Variants in MYT1L observed in about 807,000 individuals in gnomAD.
The protein encoded by MYT1L is myelin transcription factor 1 like, also known as myelin transcription factor 1-like protein.
In MYT1L, 12 loss-of-function variants were observed where a neutral mutation model predicts 126.7. The ratio of observed to expected loss-of-function variants is 0.09; its 90% CI spans 0.06 to 0.15. The LOEUF (loss-of-function observed/expected upper bound fraction) is 0.15, where lower values mean the gene tolerates loss of function less well. MYT1L is among the 10% of genes least tolerant of loss of function. The probability of loss-of-function intolerance (pLI) is 1.00; values close to 1 mark genes in which losing one functional copy is unlikely to be tolerated. For synonymous variants in MYT1L, 541 were observed against 604.2 expected, an observed-to-expected ratio of 0.90 and a Z score of 1.53; for missense variants, 979 against 1,585.2, an observed-to-expected ratio of 0.62 and a Z score of 6.49.
rs1289851085 is a variant in MYT1L, at chr2:2,059,245, G to A, written c.-303-5122C>T. 6.6e-6 allele frequency among the ~76,000 whole-genome samples: 1 copy of A among 152,130 alleles called. No individual in the cohort carries two copies. Among genetic ancestry groups the A allele is most frequent in the Non-Finnish European group, 1.5e-5 (1 of 68,046 alleles). ...ATCCCAGCTTCTTACTCTGGGTGAG[G>A]GCATCAACGGGGTCGCAACTGCTTT... On this transcript the variant is annotated intron_variant, in intron 3 of 24. Transcript: ENST00000647738. This position sits in a 1 kb window ranked among gnomAD's most constrained non-coding sequence, Gnocchi z 4.7.
chr2:2,100,025 A>G (rs2077872556), intron 3 of MYT1L, among the ~76,000 whole-genome samples: 1 of 152,120 alleles, frequency 6.6e-6, no homozygotes, highest in East Asian at 1.9e-4. Context: ...ATATTGTTTT[A>G]TATTGTCTGT....
intron 2 of MYT1L, among the ~76,000 whole-genome samples, chr2:2,280,992 CA>C (rs2095439313): frequency 6.6e-6 from 1 of 152,200 alleles, no homozygotes; most frequent in East Asian, 1.9e-4. Context: ...CAAATGTACA[CA>C]ACCGTGGTGA....
chr2:1,821,660 T>A (rs2038543677), intron 21 of MYT1L, among the ~76,000 whole-genome samples: 1 of 152,232 alleles, frequency 6.6e-6, no homozygotes, highest in Non-Finnish European at 1.5e-5. Context: ...CCTTGGCTGT[T>A]CACGCATACA....
Position 1,806,636 on chromosome 2 carries a change from C to T in MYT1L, c.3172+2440G>A, listed in dbSNP as rs552753224. The stretch of plus-strand genomic sequence containing the variant: ...TAGGAATGTCTAGTGCCCTCAATGC[C>T]GACTCAGGCCCACCGATGAAGAGAT... On this transcript the variant is annotated intron_variant, in intron 22 of 24. Coordinates refer to ENST00000647738, the MANE Select transcript of MYT1L (RefSeq NM_001303052.2). This position sits in a 1 kb window ranked among gnomAD's most constrained non-coding sequence, Gnocchi z 4.9. Among the ~76,000 whole-genome samples the T allele has an allele frequency of 1.8e-4, 28 of 152,270 alleles. No homozygotes were observed. In the East Asian group the frequency reaches 2.5e-3, roughly 14 times the overall value.
Position 2,066,568 on chromosome 2 carries a change from C to T in MYT1L, c.-303-12445G>A, listed in dbSNP as rs906725482. On this transcript the variant is annotated intron_variant, in intron 3 of 24. Transcript: ENST00000647738. ...GCTGACCTACAAACTACTGATTCTACAGCAAGACCAATTCCAGGAGAGGCT... is the reference window on the plus strand; with the variant it reads ...GCTGACCTACAAACTACTGATTCTATAGCAAGACCAATTCCAGGAGAGGCT... Among the ~76,000 whole-genome samples, 7 of 152,300 alleles carry T rather than the reference C, an allele frequency of 4.6e-5. No individual in the cohort carries two copies. The East Asian group carries it at 5.8e-4, about 13-fold the overall frequency.
At chr2:1,885,117 A>G (rs913023074) in intron 18 of MYT1L, 1 of 152,244 alleles carries the variant, frequency 6.6e-6, no homozygotes, top group African/African-American at 2.4e-5. Flanking sequence ...AGATGTGCCA[A>G]TCTTTGGCAA....
At chr2:2,102,771 T>C (rs2078258465) in intron 3 of MYT1L, among the ~76,000 whole-genome samples, 2 of 152,076 alleles carry the variant, frequency 1.3e-5, no homozygotes, top group Non-Finnish European at 2.9e-5. Flanking sequence ...CTGGATTTCC[T>C]GCATCTCGGT....
chr2:1,817,658 G>A (rs150294414), intron 21 of MYT1L, among the ~76,000 whole-genome samples: 5 of 152,158 alleles, frequency 3.3e-5, no homozygotes, highest in Non-Finnish European at 5.9e-5. Flanking sequence ...CGCGGCCCTG[G>A]GGGGTGGTGG....
At chr2:2,171,452 A>G (rs1303510988) in intron 3 of MYT1L, among the ~76,000 whole-genome samples, 1 of 152,210 alleles carries the variant, frequency 6.6e-6, no homozygotes, top group East Asian at 1.9e-4. Context: ...CCCTTATAAA[A>G]TATTTCACTA....
chr2:1,893,600 A>G (rs1409792584), intron 14 of MYT1L, among the ~76,000 whole-genome samples: 1 of 152,176 alleles, frequency 6.6e-6, no homozygotes, highest in African/African-American at 2.4e-5. Flanking sequence ...GCTACAAGGA[A>G]AGGGAGACCT....
At chr2:2,110,408 A>G (rs1036903249) in intron 3 of MYT1L, among the ~76,000 whole-genome samples, 1 of 151,962 alleles carries the variant, frequency 6.6e-6, no homozygotes, top group African/African-American at 2.4e-5. Context: ...CCCTCCTCAT[A>G]TTCATCCTCC....
rs893381417 is a variant in MYT1L, at chr2:2,228,560, A to G, written c.-420-55572T>C. ...CCAATCTTTTTGATTTTATAGAAAA[A>G]GTATTTATATAAATTCTTGAGTTGA... On this transcript the variant is annotated intron_variant, in intron 2 of 24. Transcript: ENST00000647738. The surrounding 1 kb of genome is among the most constrained non-coding windows in gnomAD (Gnocchi z 5.9). Among the ~76,000 whole-genome samples, 14 of 152,212 alleles carry G rather than the reference A, an allele frequency of 9.2e-5. No individual in the cohort carries two copies. Among genetic ancestry groups the G allele is most frequent in the Admixed American group, 2.6e-4 (4 of 15,280 alleles).
intron 3 of MYT1L, among the ~76,000 whole-genome samples, chr2:2,140,178 T>C (rs551983342): frequency 6.6e-6 from 1 of 152,288 alleles, no homozygotes; most frequent in South Asian, 2.1e-4. Context: ...TTGACATACA[T>C]TGATGAGCAT....
intron 4 of MYT1L, among the ~76,000 whole-genome samples, chr2:2,021,072 C>T (rs923014520): frequency 5.9e-5 from 9 of 152,294 alleles, no homozygotes; most frequent in Non-Finnish European, 7.4e-5. Context: ...CCACGGGCAA[C>T]GCTGGCTGGA....
At position 1,923,253 on chromosome 2, in the gene MYT1L, T is replaced by C; in HGVS notation, c.516A>G (p.Gln172=). The C allele has an allele frequency of 6.3e-7, 1 of 1,586,530 alleles. No homozygotes were observed. Among genetic ancestry groups the C allele is most frequent in the African/African-American group, 1.3e-5 (1 of 74,590 alleles). ...TTATTCGAGTATTGTGACAATTCAT[T>C]TGATGGTCTTCTGCAAAGAAAATAA... ...EEEEEENEDH[Q]MNCHNTRIMQ... The change falls in exon 10 of 25, where the codon CAA becomes CAG. Residue 172 remains glutamine, a synonymous_variant. Transcript: ENST00000647738.
intron 8 of MYT1L, among the ~76,000 whole-genome samples, chr2:1,978,743 G>A (rs1296740710): frequency 6.6e-6 from 1 of 152,162 alleles, no homozygotes; most frequent in African/African-American, 2.4e-5. Context: ...TTAAATGCTG[G>A]AAATGGAGTC....
chr2:1,868,571 C>T (rs549545271), intron 18 of MYT1L, among the ~76,000 whole-genome samples: 23 of 152,314 alleles, frequency 1.5e-4, no homozygotes, highest in South Asian at 6.2e-4. Flanking sequence ...CCCCTCTCCC[C>T]GGCCCCGAAG....
intron 2 of MYT1L, among the ~76,000 whole-genome samples, chr2:2,280,433 G>A (rs1238625008): frequency 1.3e-5 from 2 of 152,192 alleles, no homozygotes; most frequent in Non-Finnish European, 2.9e-5. Context: ...GAAAAATTTG[G>A]AAGAGTAAAG....
At chr2:1,953,759 A>T (rs531177590) in intron 8 of MYT1L, among the ~76,000 whole-genome samples, 1 of 152,178 alleles carries the variant, frequency 6.6e-6, no homozygotes, top group Non-Finnish European at 1.5e-5. Flanking sequence ...GTGTGTTTCT[A>T]TCAGCATCTG....
Sources: allele counts gnomAD v4.1 joint callset (sites outside exome capture counted in the v4.1 genomes callset), GRCh38; gene constraint gnomAD v4.1.1; non-coding constraint Gnocchi (gnomAD v3.1); transcripts MANE v1.5; gene names NCBI Gene and HGNC (gene_info 2026-07-23, HGNC 2026-07-21).